The following SRGAP2 variants were observed in gnomAD, a reference collection of about 807,000 sequenced individuals.
SRGAP2 encodes SLIT-ROBO Rho GTPase-activating protein 2.
Under a neutral mutation model 57.2 loss-of-function variants are expected in SRGAP2, and 15 were observed. The ratio of observed to expected loss-of-function variants is 0.26; its 90% CI spans 0.18 to 0.40. The LOEUF is 0.40. SRGAP2 is among the 10% of genes least tolerant of loss of function. SRGAP2 has a pLI of 1.00. For missense variants in SRGAP2, 520 were observed against 669.6 expected (o/e 0.78, Z 2.47); for synonymous variants, 249 against 248.0 (o/e 1.00, Z -0.04).
At chr1:206,245,373 G>T (rs1270063789) in intron 2 of SRGAP2, among the ~76,000 whole-genome samples, 1 of 151,824 alleles carries the variant, frequency 6.6e-6, no homozygotes, top group African/African-American at 2.4e-5. Context: ...TAATTTTTTT[G>T]TGTGTGTTAT....
chr1:206,303,179 A>G, intron 2 of SRGAP2, 102 bp from the exon 3 acceptor site: 2 of 548,788 alleles, frequency 3.6e-6, no homozygotes, highest in African/African-American at 4.2e-5. Flanking sequence ...TCAATTTCCC[A>G]GGGCACGGGG....
At chr1:206,444,178 C>CAAA (rs782535999) in intron 17 of SRGAP2, among the ~76,000 whole-genome samples, 1 of 117,052 alleles carries the variant, frequency 8.5e-6, no homozygotes, top group African/African-American at 3.2e-5. Flanking sequence ...GACTCCGTCT[C>CAAA]AAAAAAAAAA....
chr1:206,437,054 G>C lies in SRGAP2; in HGVS notation c.1633+12G>C, dbSNP rs1208906969. The C allele has an allele frequency of 1.3e-6, 1 of 780,618 alleles. No individual in the cohort carries two copies. The highest frequency in any genetic ancestry group is 2.4e-6 in the Non-Finnish European group (1 of 417,788). The allele number at this position is 780,618 out of a possible 1,614,324, so 48.4% of individuals were successfully genotyped here. A position where few individuals can be genotyped will look rare whatever the true frequency, so the allele number is the denominator to read the frequency against. Reference sequence around the variant, plus strand: ...TGCCTTTGAGAGAGGTAAGGAAACAGTCTTGAAGATAAAACCAAATATTTG... The same window carrying C: ...TGCCTTTGAGAGAGGTAAGGAAACACTCTTGAAGATAAAACCAAATATTTG... On this transcript the variant is annotated intron_variant, in intron 15 of 22. Coordinates refer to ENST00000573034, the MANE Select transcript of SRGAP2 (RefSeq NM_015326.5).
chr1:206,230,178 T>C (rs1345789400), intron 2 of SRGAP2, among the ~76,000 whole-genome samples: 1 of 151,966 alleles, frequency 6.6e-6, no homozygotes, highest in Non-Finnish European at 1.5e-5. Context: ...TTCTACTGCA[T>C]TGGCATGCTT....
intron 2 of SRGAP2, among the ~76,000 whole-genome samples, chr1:206,261,331 TG>T (rs1669536570): frequency 7.0e-6 from 1 of 142,436 alleles, no homozygotes; most frequent in Non-Finnish European, 1.5e-5. Context: ...GGCTCTGTGG[TG>T]GGTAGAATGT....
At chr1:206,437,869 C>T in intron 15 of SRGAP2, 95 bp from the exon 16 acceptor site, 2 of 738,810 alleles carry the variant, frequency 2.7e-6, no homozygotes, top group Admixed American at 1.8e-5. Context: ...GGATTGGGAC[C>T]AGGACATGCA....
chr1:206,384,989 T>C (rs1319483523), intron 5 of SRGAP2, among the ~76,000 whole-genome samples: 1 of 148,650 alleles, frequency 6.7e-6, no homozygotes, highest in Non-Finnish European at 1.5e-5. Flanking sequence ...CTGCATTTTT[T>C]CTTTTCTTTT....
chr1:206,428,052 T>A (rs193084506), intron 13 of SRGAP2, among the ~76,000 whole-genome samples: 1 of 152,226 alleles, frequency 6.6e-6, no homozygotes, highest in African/African-American at 2.4e-5. Flanking sequence ...CATTGAGCTA[T>A]GATCGCACCA....
At chr1:206,367,325 A>G (rs1654106628) in intron 4 of SRGAP2, among the ~76,000 whole-genome samples, 1 of 152,232 alleles carries the variant, frequency 6.6e-6, no homozygotes, top group Non-Finnish European at 1.5e-5. Flanking sequence ...GGTGCTTACT[A>G]TATGCAAGGT....
intron 21 of SRGAP2, 139 bp from the exon 22 acceptor site, chr1:206,458,484 G>C: frequency 1.4e-6 from 1 of 714,986 alleles, no homozygotes. Flanking sequence ...AAGAGAAGAT[G>C]AAGCCGAGGA....
intron 14 of SRGAP2, among the ~76,000 whole-genome samples, chr1:206,430,673 G>A (rs1489958515): frequency 6.6e-6 from 1 of 152,158 alleles, no homozygotes; most frequent in Non-Finnish European, 1.5e-5. Context: ...TTTTGTTCTG[G>A]TTTGGTCTCA....
chr1:206,419,520 T>C, intron 12 of SRGAP2, 120 bp downstream of exon 12: 1 of 724,344 alleles, frequency 1.4e-6, no homozygotes, highest in Non-Finnish European at 2.6e-6. Flanking sequence ...TACAAAGCAA[T>C]GGCCTGGGGC....
chr1:206,428,881 C>T (rs1490138230), intron 13 of SRGAP2, among the ~76,000 whole-genome samples: 3 of 152,160 alleles, frequency 2.0e-5, no homozygotes, highest in African/African-American at 7.2e-5. Flanking sequence ...CTCTTGATCT[C>T]AAGTGATCTG....
chr1:206,461,280 A>G lies in SRGAP2; in HGVS notation c.3076A>G (p.Lys1026Glu). The G allele has an allele frequency of 1.3e-6, 1 of 780,906 alleles. No homozygotes were observed. Among genetic ancestry groups the G allele is most frequent in the Non-Finnish European group, 2.4e-6 (1 of 418,000 alleles). 48.4% of individuals were successfully genotyped at this position (780,906 alleles called of 1,614,324 possible). ...GDIACAFRPVKSVKMAAPVKP... is the reference protein window; with the variant it reads ...GDIACAFRPVESVKMAAPVKP... ...CATCGCCTGCGCCTTCCGGCCTGTC[A>G]AGTCTGTCAAGATGGCTGCCCCGGT... The change falls in exon 23 of 23, where the codon AAG becomes GAG. Residue 1026 changes from lysine (K) to glutamate (E), a missense_variant. Coordinates refer to ENST00000573034, the MANE Select transcript of SRGAP2 (RefSeq NM_015326.5).
At chr1:206,416,062 G>A in intron 11 of SRGAP2, 89 bp downstream of exon 11, 1 of 665,912 alleles carries the variant, frequency 1.5e-6, no homozygotes, top group East Asian at 2.6e-5. Context: ...TCAGCCAAGT[G>A]GACCCGATCT....
intron 2 of SRGAP2, among the ~76,000 whole-genome samples, chr1:206,249,108 C>T (rs1277903837): frequency 1.3e-5 from 2 of 152,066 alleles, no homozygotes; most frequent in African/African-American, 2.4e-5. Flanking sequence ...TTTCCTTTAA[C>T]ATGCCAGGCA....
chr1:206,440,070 C>T lies in SRGAP2; in HGVS notation c.1863C>T (p.Ala621=). ...TGATTATCATGAGATACCTCTTTGC[C>T]TTCCTCAATCAGTGAGTAGCCTTCC... ...TTLIIMRYLF[A]FLNHLSQFSE... is the part of the protein sequence containing the mutation. Residue 621 remains alanine (A), a synonymous_variant, in exon 17 of 23, where the codon GCC becomes GCT. Transcript: ENST00000573034. 1.3e-6 allele frequency: 1 copy of T among 780,832 alleles called. No individual in the cohort carries two copies. The highest frequency in any genetic ancestry group is 1.7e-5 in the African/African-American group (1 of 59,252). 48.4% of individuals were successfully genotyped at this position (780,832 alleles called of 1,614,324 possible).
At chr1:206,371,459 G>A (rs1477718648) in intron 4 of SRGAP2, among the ~76,000 whole-genome samples, 65 of 151,742 alleles carry the variant, frequency 4.3e-4, no homozygotes, top group East Asian at 2.0e-4. Context: ...GGCCGGGCAC[G>A]GTGGCTCATG....
intron 3 of SRGAP2, among the ~76,000 whole-genome samples, chr1:206,341,749 G>A (rs1266998603): frequency 6.6e-6 from 1 of 152,204 alleles, no homozygotes; most frequent in Non-Finnish European, 1.5e-5. Flanking sequence ...TATAATCCCA[G>A]CATTTTGGGA....
Sources: gnomAD v4.1 joint callset for allele counts (sites outside exome capture counted in the v4.1 genomes callset) on GRCh38, gnomAD v4.1.1 for gene constraint, MANE v1.5 for transcripts, NCBI Gene and HGNC (gene_info 2026-07-23, HGNC 2026-07-21) for gene names.